KAT6B: variants seen among roughly 807,000 people sequenced by gnomAD.
KAT6B encodes the protein histone acetyltransferase KAT6B.
In KAT6B, 10 loss-of-function variants were observed where a neutral mutation model predicts 187.5. The ratio of observed to expected loss-of-function variants is 0.05; its 90% CI spans 0.03 to 0.09. KAT6B has a LOEUF of 0.09. Ranked by LOEUF, KAT6B falls within the 10% of genes least tolerant of loss-of-function variation. The pLI is 1.00. For missense variants in KAT6B, 1,952 were observed against 2,558.9 expected (o/e 0.76, Z 5.12); for synonymous variants, 861 against 926.8 (o/e 0.93, Z 1.29).
At chr10:75,025,560 C>T in intron 17 of KAT6B, 1 of 301,978 alleles carries the variant, frequency 3.3e-6, no homozygotes, top group Non-Finnish European at 6.3e-6. Flanking sequence ...TTCTTTGATT[C>T]TAATATGTAC....
chr10:74,928,772 ACT>A (rs1848664263), intron 3 of KAT6B, among the ~76,000 whole-genome samples: 1 of 152,238 alleles, frequency 6.6e-6, no homozygotes, highest in African/African-American at 2.4e-5. Flanking sequence ...TTTATTGAGC[ACT>A]GACCTTGGTC....
chr10:74,883,755 A>G (rs1845037127), intron 3 of KAT6B, among the ~76,000 whole-genome samples: 1 of 152,196 alleles, frequency 6.6e-6, no homozygotes, highest in African/African-American at 2.4e-5. Context: ...AGACTGTTGG[A>G]TGACCTGGTC....
At chr10:74,914,378 T>A (rs1685574752) in intron 3 of KAT6B, among the ~76,000 whole-genome samples, 1 of 152,202 alleles carries the variant, frequency 6.6e-6, no homozygotes, top group African/African-American at 2.4e-5. Flanking sequence ...ATTATTTAAA[T>A]TAATTCTTTT....
At position 75,021,195 on chromosome 10, in the gene KAT6B, CAAT is replaced by C; in HGVS notation, c.2932_2934del (p.Asn978del). ...AAAAGCTGAAAACCTGTTCCAGAGC[CAAT>C]GAACTTGATCCAGACAGTCTGAGGT... On this transcript the variant is annotated inframe_deletion, in exon 15 of 18. Transcript: ENST00000287239. 1 of 1,614,018 alleles carries C rather than the reference CAAT, an allele frequency of 6.2e-7. No individual in the cohort carries two copies. Among genetic ancestry groups the C allele is most frequent in the Non-Finnish European group, 8.5e-7 (1 of 1,179,898 alleles).
intron 4 of KAT6B, among the ~76,000 whole-genome samples, chr10:74,965,229 C>T (rs139162401): frequency 6.6e-6 from 1 of 152,220 alleles, no homozygotes; most frequent in Non-Finnish European, 1.5e-5. Flanking sequence ...TCATCTCTCC[C>T]TCTGTTCATG....
upstream of KAT6B, among the ~76,000 whole-genome samples, chr10:74,826,213 GC>G (rs1840204363): frequency 6.6e-6 from 1 of 151,938 alleles, no homozygotes; most frequent in South Asian, 2.1e-4. Flanking sequence ...ACGCTCCTCT[GC>G]TGCGAGTAGA....
In KAT6B at chr10:74,858,465, C is replaced by T. The variant is rs1842957450; in HGVS notation, c.621+14987C>T. 2.0e-5 allele frequency among the ~76,000 whole-genome samples: 3 copies of T among 152,024 alleles called. No individual in the cohort carries two copies. The South Asian group carries it at 6.2e-4, about 32-fold the overall frequency. On this transcript the variant is annotated intron_variant, in intron 3 of 17. Transcript: ENST00000287239. ...AGCTAATTTTTGTATATTTGATAGG[C>T]ATGGGTTTTGCCATTTTGCCCGGGC...
intron 3 of KAT6B, among the ~76,000 whole-genome samples, chr10:74,908,033 T>C (rs568428565): frequency 6.6e-6 from 1 of 152,268 alleles, no homozygotes; most frequent in Admixed American, 6.5e-5. Context: ...AATCCATTCA[T>C]GGATTACTAG....
At chr10:74,896,591 A>G (rs533180067) in intron 3 of KAT6B, among the ~76,000 whole-genome samples, 3 of 152,196 alleles carry the variant, frequency 2.0e-5, no homozygotes, top group East Asian at 1.9e-4. Flanking sequence ...CACCCGGCCT[A>G]TTTGTGTACT....
chr10:74,853,634 T>C (rs1490429297), intron 3 of KAT6B, among the ~76,000 whole-genome samples: 1 of 149,000 alleles, frequency 6.7e-6, no homozygotes, highest in Admixed American at 6.7e-5. Flanking sequence ...TTTTTTTTTT[T>C]TTTTTTAATT....
chr10:74,849,380 G>A (rs1290175965), intron 3 of KAT6B, among the ~76,000 whole-genome samples: 3 of 150,740 alleles, frequency 2.0e-5, no homozygotes, highest in East Asian at 2.0e-4. Flanking sequence ...TGCAACCTCC[G>A]CCTCCCAGTT....
intron 3 of KAT6B, among the ~76,000 whole-genome samples, chr10:74,857,901 A>G (rs754564192): frequency 6.6e-6 from 1 of 152,208 alleles, no homozygotes; most frequent in Non-Finnish European, 1.5e-5. Context: ...ACAGAACTGT[A>G]GTCCTAACTA....
intron 3 of KAT6B, among the ~76,000 whole-genome samples, chr10:74,926,869 T>G (rs1848540327): frequency 1.3e-5 from 2 of 152,140 alleles, no homozygotes; most frequent in Admixed American, 1.3e-4. Context: ...GCTGAAGGAG[T>G]GACCTCCAAT....
At chr10:74,831,135 A>C (rs1419698715) in intron 1 of KAT6B, among the ~76,000 whole-genome samples, 1 of 152,060 alleles carries the variant, frequency 6.6e-6, no homozygotes, top group African/African-American at 2.4e-5. Flanking sequence ...TCATTTATAA[A>C]GTTCTGTTCA....
At chr10:75,014,536 A>G (rs1844847518) in intron 13 of KAT6B, among the ~76,000 whole-genome samples, 1 of 152,180 alleles carries the variant, frequency 6.6e-6, no homozygotes, top group Non-Finnish European at 1.5e-5. Context: ...TATTTGTCAA[A>G]TTTCTCAGTA....
chr10:75,021,143 G>A lies in KAT6B; in HGVS notation c.2879G>A (p.Arg960Gln), dbSNP rs753695521. 12 of 1,613,974 alleles carry A rather than the reference G, an allele frequency of 7.4e-6. No individual in the cohort carries two copies. The highest frequency in any genetic ancestry group is 1.6e-4 in the Middle Eastern group (1 of 6,062). ...CATTACAGATTTGTCATCATTAGAC[G>A]GGAAAAGTTGATATTGAGCCACATG... is the stretch of plus-strand genomic sequence containing the variant. ...KRDGRFVIIRREKLILSHMEK... is the reference protein window; with the variant it reads ...KRDGRFVIIRQEKLILSHMEK... The change falls in exon 15 of 18, where the codon CGG becomes CAG. Residue 960 changes from arginine to glutamine, a missense_variant. Physicochemically the swap from Arg to Gln is conservative, Grantham distance 43. Around this residue, in one of 9 missense-constraint regions of KAT6B, gnomAD observed 758 missense variants for 891.4 expected, o/e 0.85. Coordinates refer to ENST00000287239, the MANE Select transcript of KAT6B (RefSeq NM_012330.4).
intron 3 of KAT6B, among the ~76,000 whole-genome samples, chr10:74,955,995 C>T (rs1194539316): frequency 4.6e-5 from 7 of 152,146 alleles, no homozygotes; most frequent in African/African-American, 1.7e-4. Context: ...GCAATCACGA[C>T]TCATTGCAGC....
chr10:74,896,090 T>A (rs1032365978), intron 3 of KAT6B, among the ~76,000 whole-genome samples: 2 of 152,136 alleles, frequency 1.3e-5, no homozygotes. Context: ...GCCAGTCAGC[T>A]GCTTTTCTCT....
chr10:74,852,091 A>G (rs7091085), intron 3 of KAT6B, among the ~76,000 whole-genome samples: 40,191 of 152,080 alleles, frequency 0.26, 10,044 homozygotes, highest in African/African-American at 0.65. Flanking sequence ...AGTCTCAGGC[A>G]ACTCTGGATC....
Sources: allele counts gnomAD v4.1 joint callset (sites outside exome capture counted in the v4.1 genomes callset), GRCh38; gene constraint gnomAD v4.1.1; regional missense constraint gnomAD v4.1.1; transcripts MANE v1.5; gene names NCBI Gene and HGNC (gene_info 2026-07-23, HGNC 2026-07-21).